FNIP2: variants seen among roughly 807,000 people sequenced by gnomAD.
FNIP2 encodes the protein folliculin interacting protein 2, also known as folliculin-interacting protein 2.
FNIP2 carries 32 observed loss-of-function variants against 108.7 expected under a neutral mutation model. That is an observed-to-expected ratio of 0.29 (90% CI 0.22 to 0.40). FNIP2 has a LOEUF of 0.40. Ranked by LOEUF, FNIP2 falls within the 10% of genes least tolerant of loss-of-function variation. The probability of loss-of-function intolerance (pLI) is 1.00; values close to 1 mark genes in which losing one functional copy is unlikely to be tolerated. For missense variants in FNIP2, 1,202 were observed against 1,381.6 expected (o/e 0.87, Z 2.06); for synonymous variants, 480 against 496.7 (o/e 0.97, Z 0.45).
In FNIP2 at chr4:158,898,031, G is replaced by A. The variant is rs149855616; in HGVS notation, c.3266+2166G>A. ...ATTTTTGTAAAAGGTGTAATGAAGG[G>A]TTCCAGTTTCAGTTTTCTGCATATG... On this transcript the variant is annotated intron_variant, in intron 16 of 16. Coordinates refer to ENST00000264433, the MANE Select transcript of FNIP2 (RefSeq NM_020840.3). 5.7e-3 allele frequency among the ~76,000 whole-genome samples: 873 copies of A among 152,272 alleles called. 10 individuals are homozygous for A. The highest frequency in any genetic ancestry group is 0.02 in the African/African-American group (822 of 41,550).
chr4:158,779,737 CTTT>C (rs34598926), intron 1 of FNIP2, among the ~76,000 whole-genome samples: 2 of 133,366 alleles, frequency 1.5e-5, no homozygotes, highest in Admixed American at 7.6e-5. Context: ...CCATACCCAC[CTTT>C]TTTTTTTTTT....
At chr4:158,879,538 C>T (rs1781470415) in intron 14 of FNIP2, among the ~76,000 whole-genome samples, 1 of 150,392 alleles carries the variant, frequency 6.6e-6, no homozygotes, top group Non-Finnish European at 1.5e-5. Context: ...TTGCCACCAA[C>T]AGGAGGTCTG....
At chr4:158,856,801 G>A (rs1780010783) in intron 8 of FNIP2, among the ~76,000 whole-genome samples, 1 of 152,212 alleles carries the variant, frequency 6.6e-6, no homozygotes, top group Non-Finnish European at 1.5e-5. Context: ...CTTCTCTGGT[G>A]ACATGGAGAT....
intron 14 of FNIP2, among the ~76,000 whole-genome samples, chr4:158,887,472 C>A (rs1014300411): frequency 1.3e-5 from 2 of 152,130 alleles, no homozygotes; most frequent in African/African-American, 4.8e-5. Context: ...CACGGTGGCT[C>A]ACGCCTGTAA....
In FNIP2 at chr4:158,878,675, CAT is replaced by C. The variant is rs966229730; in HGVS notation, c.2949+8209_2949+8210del. 9.9e-5 allele frequency among the ~76,000 whole-genome samples: 15 copies of C among 152,160 alleles called. No individual in the cohort carries two copies. In the East Asian group the frequency reaches 1.5e-3, roughly 16 times the overall value. ...TAGGCCCACGTTCAGAAATTACAAA[CAT>C]ATGTGGGAAACCAGGAAATCATCAT... On this transcript the variant is annotated intron_variant, in intron 14 of 16. Transcript: ENST00000264433.
rs749688377 is a variant in FNIP2, at chr4:158,869,193, G to A, written c.2557G>A (p.Val853Ile). 1 of 1,614,068 alleles carries A rather than the reference G, an allele frequency of 6.2e-7. No individual in the cohort carries two copies. The highest frequency in any genetic ancestry group is 8.5e-7 in the Non-Finnish European group (1 of 1,179,908). ...TGCGGAAGGACCTGTGCTGGAGCCTGTTGCCCCCAGGTGTGTCCAGCGGGG... is the reference window on the plus strand; with the variant it reads ...TGCGGAAGGACCTGTGCTGGAGCCTATTGCCCCCAGGTGTGTCCAGCGGGG... The part of the protein sequence containing the change: ...KAAEGPVLEP[V>I]APRCVQRGPG... The change falls in exon 13 of 17, where the codon GTT becomes ATT. Residue 853 changes from valine to isoleucine, a missense_variant. Transcript: ENST00000264433.
chr4:158,788,774 T>C (rs931480086), intron 1 of FNIP2, among the ~76,000 whole-genome samples: 2 of 152,224 alleles, frequency 1.3e-5, no homozygotes, highest in Non-Finnish European at 2.9e-5. Context: ...TAATAACTGC[T>C]GTAGCCTCCT....
intron 3 of FNIP2, among the ~76,000 whole-genome samples, chr4:158,831,457 A>T (rs1778477723): frequency 6.6e-6 from 1 of 152,214 alleles, no homozygotes; most frequent in African/African-American, 2.4e-5. Flanking sequence ...ATTGTTAATT[A>T]TTTGGCTGAA....
chr4:158,787,873 G>A lies in FNIP2; in HGVS notation c.107+18554G>A, dbSNP rs142358217. Among the ~76,000 whole-genome samples the A allele has an allele frequency of 3.7e-3, 557 of 152,214 alleles. 5 individuals are homozygous for A. The highest frequency in any genetic ancestry group is 0.013 in the African/African-American group (522 of 41,518). ...CCTCATACTCTTAAGTCCAGTCAAA[G>A]CGAATTTGTCTCAGTTCCTCAAAGA... On this transcript the variant is annotated intron_variant, in intron 1 of 16. Coordinates refer to ENST00000264433, the MANE Select transcript of FNIP2 (RefSeq NM_020840.3).
chr4:158,895,642 TGA>T lies in FNIP2; in HGVS notation c.3151-105_3151-104del, dbSNP rs1782602161. On this transcript the variant is annotated intron_variant, in intron 15 of 16. Transcript: ENST00000264433. ...ATTTTTTAAGTGTATTTGAAACTGA[TGA>T]GATAAAAGCTGTGTAGTTAGAAATG... The T allele has an allele frequency of 1.5e-5, 10 of 680,274 alleles. No homozygotes were observed. The South Asian group carries it at 1.6e-4, about 11-fold the overall frequency. 42.1% of individuals were successfully genotyped at this position (680,274 alleles called of 1,614,324 possible).
chr4:158,770,826 G>T (rs978887783), intron 1 of FNIP2, among the ~76,000 whole-genome samples: 5 of 152,192 alleles, frequency 3.3e-5, no homozygotes, highest in Non-Finnish European at 5.9e-5. Context: ...GCATGTTACA[G>T]GTGTCTGTAC....
intron 8 of FNIP2, among the ~76,000 whole-genome samples, chr4:158,853,648 T>C (rs1578917303): frequency 6.6e-6 from 1 of 152,240 alleles, no homozygotes; most frequent in East Asian, 1.9e-4. Flanking sequence ...GTCCTTGCGA[T>C]AGTTTGCTCA....
intron 1 of FNIP2, among the ~76,000 whole-genome samples, chr4:158,825,344 C>G (rs1311897927): frequency 1.3e-5 from 2 of 152,182 alleles, no homozygotes; most frequent in Non-Finnish European, 2.9e-5. Context: ...GCTAGCAATT[C>G]CAGTGCTCTA....
chr4:158,868,803 A>G lies in FNIP2; in HGVS notation c.2167A>G (p.Ser723Gly), dbSNP rs758362023. The change falls in exon 13 of 17, where the codon AGC becomes GGC. Residue 723 changes from serine (S) to glycine (G), a missense_variant. Coordinates refer to ENST00000264433, the MANE Select transcript of FNIP2 (RefSeq NM_020840.3). This position sits in a 1 kb window ranked among gnomAD's most constrained non-coding sequence, Gnocchi z 4.6. ...AGAAAAGGTCACTTTCCAGATTGGA[A>G]GCTTTGCATCTCCAGAGTCTGACTT... is the stretch of plus-strand genomic sequence containing the variant. Reference protein sequence around the residue: ...SLEKVTFQIGSFASPESDFES... With the variant: ...SLEKVTFQIGGFASPESDFES... 11 of 1,613,632 alleles carry G rather than the reference A, an allele frequency of 6.8e-6. No individual in the cohort carries two copies. In the South Asian group the frequency reaches 1.1e-4, roughly 16 times the overall value.
At chr4:158,890,928 A>G (rs565874877) in intron 14 of FNIP2, among the ~76,000 whole-genome samples, 14 of 152,178 alleles carry the variant, frequency 9.2e-5, no homozygotes, top group Non-Finnish European at 1.3e-4. Flanking sequence ...ACACTGTGAT[A>G]GAGGAAGGAT....
At chr4:158,786,548 A>G (rs573023252) in intron 1 of FNIP2, among the ~76,000 whole-genome samples, 8 of 152,318 alleles carry the variant, frequency 5.3e-5, no homozygotes, top group African/African-American at 1.4e-4. Flanking sequence ...TTCCGTTTGC[A>G]TTTTTGTGAA....
rs1472539903 is a variant in FNIP2, at chr4:158,769,198, T to TGCG, written c.-6_-4dup. The stretch of plus-strand genomic sequence containing the variant: ...GCCCCCCGAGCGCCACGGCCGGAGC[T>TGCG]GCGGCGGCGGCATCATGGCCCCGAC... On this transcript the variant is annotated 5_prime_UTR_variant, in exon 1 of 17. Transcript: ENST00000264433. 3.7e-6 allele frequency: 5 copies of TGCG among 1,366,046 alleles called. No individual in the cohort carries two copies. The Middle Eastern group carries it at 1.1e-3, about 292-fold the overall frequency. The allele number at this position is 1,366,046 out of a possible 1,614,324, so 84.6% of individuals were successfully genotyped here. A position where few individuals can be genotyped will look rare whatever the true frequency, so the allele number is the denominator to read the frequency against.
chr4:158,788,959 C>G (rs548244942), intron 1 of FNIP2, among the ~76,000 whole-genome samples: 2 of 152,294 alleles, frequency 1.3e-5, no homozygotes, highest in African/African-American at 4.8e-5. Flanking sequence ...AAAGCTTATG[C>G]GAGAGCAGGA....
intron 14 of FNIP2, among the ~76,000 whole-genome samples, chr4:158,883,543 C>G (rs1005801027): frequency 7.2e-5 from 11 of 152,140 alleles, no homozygotes; most frequent in African/African-American, 2.7e-4. Context: ...GCCCAGCCTC[C>G]CTTTGTGTTT....
Sources: allele counts gnomAD v4.1 joint callset (sites outside exome capture counted in the v4.1 genomes callset), GRCh38; gene constraint gnomAD v4.1.1; non-coding constraint Gnocchi (gnomAD v3.1); transcripts MANE v1.5; gene names NCBI Gene and HGNC (gene_info 2026-07-23, HGNC 2026-07-21).